The following CDC42BPA variants were observed in gnomAD, a reference collection of about 807,000 sequenced individuals.
CDC42BPA encodes the protein serine/threonine-protein kinase MRCK alpha.
In CDC42BPA, 80 loss-of-function variants were observed where a neutral mutation model predicts 223.5. That is an observed-to-expected ratio of 0.36 (90% CI 0.30 to 0.43). The LOEUF is 0.43. Ranked by LOEUF, CDC42BPA falls within the 20% of genes least tolerant of loss-of-function variation. The probability of loss-of-function intolerance (pLI) is 1.00; values close to 1 mark genes in which losing one functional copy is unlikely to be tolerated. For synonymous variants in CDC42BPA, 694 were observed against 718.6 expected (o/e 0.97, Z 0.55); for missense variants, 1,743 against 2,099.9 (o/e 0.83, Z 3.32).
chr1:227,205,514 G>A (rs1321640119), intron 3 of CDC42BPA, among the ~76,000 whole-genome samples: 1 of 81,980 alleles, frequency 1.2e-5, no homozygotes, highest in Non-Finnish European at 2.8e-5. Flanking sequence ...ATCTACTTAA[G>A]ACAGAAGGAC....
intron 1 of CDC42BPA, among the ~76,000 whole-genome samples, chr1:227,275,995 C>T (rs10916111): frequency 0.2 from 29,963 of 151,426 alleles, 3,039 homozygotes; most frequent in East Asian, 0.26. Context: ...CCCAAAGTGC[C>T]GAGATGGCAG....
At chr1:227,216,255 T>G (rs558858901) in intron 2 of CDC42BPA, among the ~76,000 whole-genome samples, 1 of 152,236 alleles carries the variant, frequency 6.6e-6, no homozygotes, top group South Asian at 2.1e-4. Context: ...CACATAAAAT[T>G]TGAAGCATGG....
intron 15 of CDC42BPA, 61 bp from the exon 16 acceptor site, chr1:227,092,052 A>G: frequency 1.1e-6 from 1 of 932,150 alleles, no homozygotes; most frequent in East Asian, 2.5e-5. Context: ...AAAACTTGAA[A>G]TTATTTTTCC....
chr1:227,083,948 A>G (rs1681263548), intron 16 of CDC42BPA, among the ~76,000 whole-genome samples: 1 of 152,138 alleles, frequency 6.6e-6, no homozygotes, highest in Admixed American at 6.6e-5. Flanking sequence ...TCAACTTCCT[A>G]GATTCTGAGG....
At chr1:227,220,728 A>G (rs1029512900) in intron 2 of CDC42BPA, among the ~76,000 whole-genome samples, 2 of 152,064 alleles carry the variant, frequency 1.3e-5, no homozygotes, top group African/African-American at 4.8e-5. Flanking sequence ...TAACAGTATC[A>G]TTTGACATCT....
At chr1:227,016,641 T>C (rs773917918) in intron 33 of CDC42BPA, among the ~76,000 whole-genome samples, 1 of 149,828 alleles carries the variant, frequency 6.7e-6, no homozygotes, top group African/African-American at 2.5e-5. Flanking sequence ...CCTATGCTTA[T>C]ACTGTAGAAA....
chr1:227,039,636 A>G (rs2148749524), intron 24 of CDC42BPA, among the ~76,000 whole-genome samples: 1 of 152,054 alleles, frequency 6.6e-6, no homozygotes, highest in Admixed American at 6.6e-5. Context: ...TCCCCTATCC[A>G]CTATTATGTC....
chr1:227,112,680 G>T lies in CDC42BPA; in HGVS notation c.1881C>A (p.Ala627=), dbSNP rs557034264. ...LRQELRRTER[A]KKELEVHTEA... Reference sequence around the variant, plus strand: ...TTGCCTGACTACTAACCTCTTTTTTGGCTCTTTCTGTTCTGCGCAGTTCTT... The same window carrying T: ...TTGCCTGACTACTAACCTCTTTTTTTGCTCTTTCTGTTCTGCGCAGTTCTT... The change falls in exon 13 of 37, where the codon GCC becomes GCA. Residue 627 remains alanine (A), a synonymous_variant. Transcript: ENST00000366766. 4.3e-6 allele frequency: 7 copies of T among 1,609,716 alleles called. No homozygotes were observed. The highest frequency in any genetic ancestry group is 1.7e-5 in the Admixed American group (1 of 58,932).
At position 227,180,299 on chromosome 1, in the gene CDC42BPA, T is replaced by C. The variant is rs1272723926; in HGVS notation, c.599+13487A>G. On this transcript the variant is annotated intron_variant, in intron 5 of 36. Coordinates refer to ENST00000366766, the MANE Select transcript of CDC42BPA (RefSeq NM_001394014.1). ...TCCAAAAAGCTGTTAAATATTCTACTATTTCCACTAAGAACTTTTCAAAAA... is the reference window on the plus strand; with the variant it reads ...TCCAAAAAGCTGTTAAATATTCTACCATTTCCACTAAGAACTTTTCAAAAA... The C allele has an allele frequency of 3.3e-5, 5 of 152,194 alleles. No homozygotes were observed. The South Asian group carries it at 1.0e-3, about 32-fold the overall frequency. 9.4% of individuals were successfully genotyped at this position (152,194 alleles called of 1,614,324 possible). A position where few individuals can be genotyped will look rare whatever the true frequency, so the allele number is the denominator to read the frequency against.
chr1:227,303,012 T>G (rs1447880970), intron 1 of CDC42BPA, among the ~76,000 whole-genome samples: 1 of 151,764 alleles, frequency 6.6e-6, no homozygotes, highest in Non-Finnish European at 1.5e-5. Flanking sequence ...TTTGGGTTTT[T>G]TTTTTTTTTC....
intron 2 of CDC42BPA, among the ~76,000 whole-genome samples, chr1:227,226,444 C>T (rs1361076641): frequency 6.6e-6 from 1 of 152,168 alleles, no homozygotes; most frequent in Non-Finnish European, 1.5e-5. Flanking sequence ...ACAGCTCAAA[C>T]AGGATGCAAT....
intron 2 of CDC42BPA, among the ~76,000 whole-genome samples, chr1:227,225,781 G>A (rs1038644802): frequency 7.3e-6 from 1 of 136,478 alleles, no homozygotes; most frequent in Admixed American, 7.5e-5. Context: ...AGTGAAGCAG[G>A]GAATACCTCT....
intron 6 of CDC42BPA, among the ~76,000 whole-genome samples, chr1:227,149,913 T>C (rs1288431986): frequency 1.3e-5 from 2 of 152,166 alleles, no homozygotes; most frequent in East Asian, 1.9e-4. Flanking sequence ...AATTCCTGGA[T>C]GCAGGAAGGG....
chr1:227,095,914 T>G (rs1434591283), intron 15 of CDC42BPA, among the ~76,000 whole-genome samples: 1 of 152,190 alleles, frequency 6.6e-6, no homozygotes, highest in African/African-American at 2.4e-5. Context: ...TTGAAGACTA[T>G]ATTGTTATGT....
chr1:227,059,176 T>C (rs1675241110), intron 21 of CDC42BPA, among the ~76,000 whole-genome samples: 1 of 148,402 alleles, frequency 6.7e-6, no homozygotes, highest in African/African-American at 2.5e-5. Flanking sequence ...TCCTAAAGCT[T>C]TGCGGCCAAA....
intron 32 of CDC42BPA, among the ~76,000 whole-genome samples, chr1:227,020,332 A>G (rs1257782989): frequency 6.6e-6 from 1 of 152,212 alleles, no homozygotes; most frequent in Non-Finnish European, 1.5e-5. Flanking sequence ...ACTTCTCTCT[A>G]GCTATGAAAG....
At chr1:226,999,323 C>T (rs1662298142) in intron 35 of CDC42BPA, among the ~76,000 whole-genome samples, 1 of 152,048 alleles carries the variant, frequency 6.6e-6, no homozygotes, top group Non-Finnish European at 1.5e-5. Context: ...ACTACAGGCG[C>T]CCGCCACCAT....
At chr1:227,017,391 C>T (rs1377556311) in intron 32 of CDC42BPA, among the ~76,000 whole-genome samples, 1 of 152,188 alleles carries the variant, frequency 6.6e-6, no homozygotes, top group African/African-American at 2.4e-5. Flanking sequence ...TTCTCTCCCT[C>T]CAGGTATTGA....
At position 226,994,273 on chromosome 1, in the gene CDC42BPA, G is replaced by C. The variant is rs946389435; in HGVS notation, c.5260C>G (p.Pro1754Ala). The C allele has an allele frequency of 5.7e-6, 9 of 1,579,452 alleles. No individual in the cohort carries two copies. Among genetic ancestry groups the C allele is most frequent in the Non-Finnish European group, 7.8e-6 (9 of 1,160,546 alleles). ...LESTDRGSWD[P>A] is the part of the protein sequence containing the mutation. ...GGTCCCAGTGCTGAGGCAGCTCACG[G>C]GTCCCAGCTCCCGCGGTCAGTGCTC... The change falls in exon 37 of 37, where the codon CCG (proline) becomes GCG (alanine). Residue 1754 changes from proline to alanine, a missense_variant. Transcript: ENST00000366766. The surrounding 1 kb of genome is among the most constrained non-coding windows in gnomAD (Gnocchi z 4.0).
Sources: gnomAD v4.1 joint callset for allele counts (sites outside exome capture counted in the v4.1 genomes callset) on GRCh38, gnomAD v4.1.1 for gene constraint, Gnocchi (gnomAD v3.1) non-coding constraint, MANE v1.5 for transcripts, NCBI Gene and HGNC (gene_info 2026-07-23, HGNC 2026-07-21) for gene names.